RXFP1: variants seen among roughly 807,000 people sequenced by gnomAD.
RXFP1 encodes the protein relaxin receptor 1.
Under a neutral mutation model 89.8 loss-of-function variants are expected in RXFP1, and 73 were observed. That is an observed-to-expected ratio of 0.81 (90% CI 0.67 to 0.99). The LOEUF is 0.99. Among genes scored for constraint, RXFP1 ranks in the 50% least tolerant of loss-of-function variants. The pLI is 0.00. For missense variants in RXFP1, 793 were observed against 895.5 expected, an observed-to-expected ratio of 0.89 and a Z score of 1.46; for synonymous variants, 277 against 305.5, an observed-to-expected ratio of 0.91 and a Z score of 0.97.
At chr4:158,647,299 A>G in intron 16 of RXFP1, 98 bp downstream of exon 16, 1 of 999,572 alleles carries the variant, frequency 1.0e-6, no homozygotes, top group Non-Finnish European at 1.4e-6. Flanking sequence ...CAGAATCCCC[A>G]GCAAGGATTT....
intron 1 of RXFP1, among the ~76,000 whole-genome samples, chr4:158,569,243 C>T (rs1045087528): frequency 6.6e-6 from 1 of 152,282 alleles, no homozygotes; most frequent in South Asian, 2.1e-4. Context: ...ATTCCAATGA[C>T]ATAACATTCT....
chr4:158,588,557 C>G (rs537418314), intron 2 of RXFP1, among the ~76,000 whole-genome samples: 1 of 152,152 alleles, frequency 6.6e-6, no homozygotes, highest in Admixed American at 6.6e-5. Context: ...CTGAAATCCC[C>G]TTCCACAATT....
intron 1 of RXFP1, among the ~76,000 whole-genome samples, chr4:158,567,400 G>A (rs990650218): frequency 1.3e-5 from 2 of 152,226 alleles, no homozygotes; most frequent in African/African-American, 2.4e-5. Flanking sequence ...TTTATGTCTA[G>A]CTAAGGGATT....
At chr4:158,541,173 A>G (rs1746513633) in intron 1 of RXFP1, among the ~76,000 whole-genome samples, 1 of 152,186 alleles carries the variant, frequency 6.6e-6, no homozygotes, top group Non-Finnish European at 1.5e-5. Flanking sequence ...AAACCTTGTC[A>G]AACTCTCAAA....
At chr4:158,558,361 T>C (rs1328241222) in intron 1 of RXFP1, among the ~76,000 whole-genome samples, 2 of 152,196 alleles carry the variant, frequency 1.3e-5, no homozygotes, top group African/African-American at 2.4e-5. Flanking sequence ...CATTGAGCCT[T>C]CCTTATTCAT....
chr4:158,544,241 G>T lies in RXFP1; in HGVS notation c.49+22216G>T, dbSNP rs141152866. 7.6e-4 allele frequency: 751 copies of T among 985,302 alleles called. 4 individuals are homozygous for T. The African/African-American group carries it at 0.013, about 17-fold the overall frequency. 61.0% of individuals were successfully genotyped at this position (985,302 alleles called of 1,614,324 possible). ...CTCCAATATGTCTGTTGAGAAATAT[G>T]TCTATTTACATACATCATGTTTGTT... On this transcript the variant is annotated intron_variant, in intron 1 of 17. Coordinates refer to ENST00000307765, the MANE Select transcript of RXFP1 (RefSeq NM_021634.4).
chr4:158,550,139 G>T (rs955179315), intron 1 of RXFP1, among the ~76,000 whole-genome samples: 13 of 152,226 alleles, frequency 8.5e-5, no homozygotes, highest in Admixed American at 2.6e-4. Flanking sequence ...ACCTAATCAA[G>T]CCTGGGCAAT....
chr4:158,527,564 A>AAAAAAAAAATATATATATATATAT (rs5741905), intron 1 of RXFP1, among the ~76,000 whole-genome samples: 11 of 98,328 alleles, frequency 1.1e-4, no homozygotes, highest in African/African-American at 3.5e-4. Flanking sequence ...AAAAAAAAAA[A>AAAAAAAAAATATATATATATATAT]ATATATATAT....
intron 1 of RXFP1, among the ~76,000 whole-genome samples, chr4:158,537,345 A>T (rs1341378223): frequency 6.6e-5 from 10 of 151,610 alleles, no homozygotes; most frequent in Non-Finnish European, 1.2e-4. Context: ...AAACAACTAA[A>T]TTTTCTTAAT....
intron 2 of RXFP1, among the ~76,000 whole-genome samples, chr4:158,587,299 A>G (rs1200088044): frequency 6.6e-6 from 1 of 152,206 alleles, no homozygotes; most frequent in African/African-American, 2.4e-5. Flanking sequence ...ACCTACTTAC[A>G]TGCTTTATTT....
chr4:158,611,918 T>C (rs1763657003), intron 6 of RXFP1, among the ~76,000 whole-genome samples: 2 of 152,178 alleles, frequency 1.3e-5, no homozygotes, highest in African/African-American at 2.4e-5. Flanking sequence ...CATGAATAGA[T>C]GAATGAATAG....
At chr4:158,610,289 G>C (rs1312250515) in intron 6 of RXFP1, among the ~76,000 whole-genome samples, 2 of 152,070 alleles carry the variant, frequency 1.3e-5, no homozygotes, top group East Asian at 3.9e-4. Flanking sequence ...ATAATCATTA[G>C]ATACCTGATG....
At chr4:158,600,148 G>A (rs1347625946) in intron 4 of RXFP1, among the ~76,000 whole-genome samples, 9 of 152,148 alleles carry the variant, frequency 5.9e-5, no homozygotes, top group Non-Finnish European at 1.3e-4. Context: ...TTTTTGCTGA[G>A]TTTCTTTTTT....
At chr4:158,611,837 C>T (rs1047086160) in intron 6 of RXFP1, among the ~76,000 whole-genome samples, 2 of 152,148 alleles carry the variant, frequency 1.3e-5, no homozygotes, top group Admixed American at 1.3e-4. Context: ...AGACTCAAAG[C>T]CCCTTAAAGA....
At position 158,608,284 on chromosome 4, in the gene RXFP1, T is replaced by C. The variant is rs1452209523; in HGVS notation, c.536+241T>C. On this transcript the variant is annotated intron_variant, in intron 6 of 17. Transcript: ENST00000307765. ...TGAGCAATTTGTATTCCTTTCTTTT[T>C]TTTTTTTTTTTTTTTTTTTTTTTGA... 1.1e-4 allele frequency among the ~76,000 whole-genome samples: 14 copies of C among 123,312 alleles called. No individual in the cohort carries two copies. In the East Asian group the frequency reaches 2.8e-3, roughly 25 times the overall value. 80.9% of individuals were successfully genotyped at this position (123,312 alleles called of 152,430 possible). A position where few individuals can be genotyped will look rare whatever the true frequency, so the allele number is the denominator to read the frequency against.
chr4:158,570,291 G>A (rs1178369506), intron 1 of RXFP1, among the ~76,000 whole-genome samples: 3 of 152,152 alleles, frequency 2.0e-5, no homozygotes, highest in Non-Finnish European at 2.9e-5. Context: ...ATCGGGGAAG[G>A]TATAAAAAAC....
rs553602161 is a variant in RXFP1, at chr4:158,599,940, T to C, written c.392+509T>C. On this transcript the variant is annotated intron_variant, in intron 4 of 17. Transcript: ENST00000307765. ...TCACATTTTGAGTCATAGATGTTAA[T>C]GTTGTTATTTTCTTAAGGAATTCAA... Among the ~76,000 whole-genome samples, 297 of 152,368 alleles carry C rather than the reference T, an allele frequency of 1.9e-3. 1 individual carries two copies. Among genetic ancestry groups the C allele is most frequent in the African/African-American group, 6.7e-3 (278 of 41,594 alleles).
chr4:158,572,557 G>A lies in RXFP1; in HGVS notation c.50-141G>A, dbSNP rs556839981. 4.9e-4 allele frequency: 368 copies of A among 753,056 alleles called. 4 individuals are homozygous for A. The East Asian group carries it at 9.1e-3, about 19-fold the overall frequency. 46.6% of individuals were successfully genotyped at this position (753,056 alleles called of 1,614,324 possible). A position where few individuals can be genotyped will look rare whatever the true frequency, so the allele number is the denominator to read the frequency against. On this transcript the variant is annotated intron_variant, in intron 1 of 17. Transcript: ENST00000307765. ...ACGTCCTAAGAGGTGAAGGTTCCTAGAAAATAACTGGCATCAGGGTTGTAT... is the reference window on the plus strand; with the variant it reads ...ACGTCCTAAGAGGTGAAGGTTCCTAAAAAATAACTGGCATCAGGGTTGTAT...
intron 3 of RXFP1, among the ~76,000 whole-genome samples, chr4:158,598,858 T>C (rs747387755): frequency 3.9e-5 from 6 of 152,104 alleles, no homozygotes; most frequent in Non-Finnish European, 7.4e-5. Flanking sequence ...CATTTGCCTT[T>C]AGTTCTCCTC....
Sources: gnomAD v4.1 joint callset for allele counts (sites outside exome capture counted in the v4.1 genomes callset) on GRCh38, gnomAD v4.1.1 for gene constraint, MANE v1.5 for transcripts, NCBI Gene and HGNC (gene_info 2026-07-23, HGNC 2026-07-21) for gene names.